Variants in ELP2 observed in about 807,000 individuals in gnomAD.
ELP2 encodes the protein elongator acetyltransferase complex subunit 2.
In ELP2, 90 loss-of-function variants were observed where a neutral mutation model predicts 119.2. The ratio of observed to expected loss-of-function variants is 0.75; its 90% confidence interval spans 0.64 to 0.90. The LOEUF is 0.90. Among genes scored for constraint, ELP2 ranks in the 40% least tolerant of loss-of-function variants. The pLI, the probability that ELP2 is intolerant of heterozygous loss-of-function variation, is 0.00. For synonymous variants in ELP2, 339 were observed against 331.0 expected, an observed-to-expected ratio of 1.02 and a Z score of -0.26; for missense variants, 921 against 967.8, an observed-to-expected ratio of 0.95 and a Z score of 0.64.
intron 18 of ELP2, among the ~76,000 whole-genome samples, chr18:36,166,222 A>AT (rs1421779486): frequency 1.3e-5 from 2 of 149,272 alleles, no homozygotes; most frequent in Non-Finnish European, 2.9e-5. Context: ...TTAATAACAT[A>AT]TTTATTAATT....
chr18:36,133,122 T>C, intron 1 of ELP2, 116 bp from the exon 2 acceptor site: 1 of 738,986 alleles, frequency 1.4e-6, no homozygotes, highest in Non-Finnish European at 2.4e-6. Flanking sequence ...CAAATCTGTT[T>C]GATGTAAACC....
Position 36,180,054 on chromosome 18 carries a change from GCAGA to G in ELP2, c.*5419_*5422del, listed in dbSNP as rs2091302051. The G allele has an allele frequency of 1.3e-5, 2 of 152,256 alleles. No individual in the cohort carries two copies. The highest frequency in any genetic ancestry group is 2.4e-5 in the African/African-American group (1 of 41,440). The allele number at this position is 152,256 out of a possible 1,614,324, so 9.4% of individuals were successfully genotyped here. A position where few individuals can be genotyped will look rare whatever the true frequency, so the allele number is the denominator to read the frequency against. On this transcript the variant is annotated 3_prime_UTR_variant, in exon 22 of 22. Transcript: ENST00000358232. The stretch of plus-strand genomic sequence containing the variant: ...TTTCTCTCATATGAAAGGAGTCAAG[GCAGA>G]CAGACCAGGATGGGGAGGGAGATGT...
intron 3 of ELP2, chr18:36,136,729 C>A: frequency 5.0e-6 from 1 of 202,010 alleles, no homozygotes; most frequent in East Asian, 1.3e-4. Context: ...ACTACACAGG[C>A]CCTGTACCCT....
chr18:36,141,335 A>G, intron 6 of ELP2, 134 bp downstream of exon 6: 3 of 761,136 alleles, frequency 3.9e-6, no homozygotes, highest in Non-Finnish European at 6.8e-6. Flanking sequence ...TCTTTTTTTG[A>G]CAGTCCTCTG....
At position 36,163,275 on chromosome 18, in the gene ELP2, G is replaced by GTGTGTGTGTGTGTGTGTGT. The variant is rs1555644860; in HGVS notation, c.1762-1200_1762-1199insTGTGTGTGTGTGTGTGTGT. 5.3e-3 allele frequency among the ~76,000 whole-genome samples: 773 copies of GTGTGTGTGTGTGTGTGTGT among 145,462 alleles called. 5 individuals carry two copies. The highest frequency in any genetic ancestry group is 7.6e-3 in the Non-Finnish European group (507 of 66,482). On this transcript the variant is annotated intron_variant, in intron 17 of 21. Coordinates refer to ENST00000358232, the MANE Select transcript of ELP2 (RefSeq NM_018255.4). ...TATGGCCGAGTAGTAGTTCATGGGGGGTGTGTGTGTGTGTGTGTGTGTGTA... is the reference window on the plus strand; with the variant it reads ...TATGGCCGAGTAGTAGTTCATGGGGGTGTGTGTGTGTGTGTGTGTGTGTGTGTGTGTGTGTGTGTGTGTA...
Position 36,145,951 on chromosome 18 carries a change from G to C in ELP2, c.896G>C (p.Gly299Ala). The change falls in exon 10 of 22, where the codon GGT becomes GCT. Residue 299 changes from glycine (G) to alanine (A), a missense_variant. Coordinates refer to ENST00000358232, the MANE Select transcript of ELP2 (RefSeq NM_018255.4). ...GGGATTAGGTTTTATTTTTTAGATG[G>C]TGTCCTACAGCAGCCAGTGAGATTA... ...VHWQPVFYKD[G>A]VLQQPVRLLS... is the part of the protein sequence containing the mutation. The C allele has an allele frequency of 6.2e-7, 1 of 1,612,464 alleles. No homozygotes were observed. Among genetic ancestry groups the C allele is most frequent in the Admixed American group, 1.7e-5 (1 of 60,012 alleles).
intron 4 of ELP2, 161 bp downstream of exon 4, chr18:36,138,587 A>G (rs2089915067): frequency 2.1e-6 from 2 of 947,732 alleles, no homozygotes; most frequent in South Asian, 1.6e-5. Context: ...AAAATTCTCT[A>G]TACCAAGACT....
At chr18:36,147,306 G>A (rs1420276468) in intron 11 of ELP2, among the ~76,000 whole-genome samples, 1 of 151,936 alleles carries the variant, frequency 6.6e-6, no homozygotes, top group African/African-American at 2.4e-5. Context: ...TGAACTCCTG[G>A]CTTCAAGTGA....
chr18:36,153,907 A>AT (rs754732579), intron 11 of ELP2, among the ~76,000 whole-genome samples: 4 of 151,980 alleles, frequency 2.6e-5, no homozygotes, highest in Middle Eastern at 6.8e-3. Flanking sequence ...GTCAAGGACG[A>AT]TTTTTTAAAA....
chr18:36,141,439 G>A, intron 6 of ELP2: 1 of 519,052 alleles, frequency 1.9e-6, no homozygotes. Flanking sequence ...AGGTGGGGGA[G>A]GAGAGATGGA....
chr18:36,167,374 A>G, intron 19 of ELP2, 152 bp downstream of exon 19: 2 of 530,776 alleles, frequency 3.8e-6, no homozygotes, highest in Non-Finnish European at 6.2e-6. Context: ...GTACATATAA[A>G]AAAAGACTTT....
chr18:36,169,990 C>T (rs928938705), intron 19 of ELP2, 73 bp from the exon 20 acceptor site: 21 of 1,583,998 alleles, frequency 1.3e-5, no homozygotes, highest in South Asian at 5.5e-5. Context: ...TTATCTTTGC[C>T]GATGAAACTG....
At chr18:36,145,305 G>A (rs894712361) in intron 9 of ELP2, 15 of 403,286 alleles carry the variant, frequency 3.7e-5, no homozygotes, top group South Asian at 2.2e-4. Flanking sequence ...GTTTCCACTT[G>A]ATTATTATGG....
At chr18:36,153,424 GA>G (rs2090465536) in intron 11 of ELP2, among the ~76,000 whole-genome samples, 1 of 152,152 alleles carries the variant, frequency 6.6e-6, no homozygotes, top group Admixed American at 6.5e-5. Context: ...AGTATGTAGG[GA>G]AAACTCTCTC....
chr18:36,133,442 C>CAAGAAAAATGGTATTCCCAGTGAAATAT, intron 2 of ELP2, 126 bp downstream of exon 2: 1 of 730,120 alleles, frequency 1.4e-6, no homozygotes, highest in Non-Finnish European at 2.5e-6. Context: ...ATTGGAGAAA[C>CAAGAAAAATGGTATTCCCAGTGAAATAT]AAGAAAAATG....
At chr18:36,133,567 T>A (rs2089711632) in intron 2 of ELP2, among the ~76,000 whole-genome samples, 1 of 152,140 alleles carries the variant, frequency 6.6e-6, no homozygotes, top group South Asian at 2.1e-4. Flanking sequence ...CAGGATCCTG[T>A]CCCACCTCCC....
chr18:36,164,744 A>T, intron 18 of ELP2, 77 bp downstream of exon 18: 1 of 1,403,146 alleles, frequency 7.1e-7, no homozygotes, highest in South Asian at 1.2e-5. Flanking sequence ...AGCTTTAGTT[A>T]AGAGAAAGAT....
intron 11 of ELP2, among the ~76,000 whole-genome samples, chr18:36,148,967 C>T (rs1372927903): frequency 6.6e-6 from 1 of 152,212 alleles, no homozygotes; most frequent in Admixed American, 6.5e-5. Flanking sequence ...CTCAGGTTTG[C>T]AGATTTCCTT....
Position 36,149,478 on chromosome 18 carries a change from G to GTTT in ELP2, c.1125+3099_1125+3101dup, listed in dbSNP as rs1239631733. On this transcript the variant is annotated intron_variant, in intron 11 of 21. Transcript: ENST00000358232. The stretch of plus-strand genomic sequence containing the variant: ...TAGAAACATAGTTGCAGGGTTTTTT[G>GTTT]TTTTGTTTTGTTTTTTTTTTTTTTG... Among the ~76,000 whole-genome samples the GTTT allele has an allele frequency of 1.2e-3, 79 of 64,508 alleles. 5 individuals carry two copies. The highest frequency in any genetic ancestry group is 8.5e-3 in the South Asian group (19 of 2,226). The allele number at this position is 64,508 out of a possible 152,430, so 42.3% of individuals were successfully genotyped here.
Sources: gnomAD v4.1 joint callset for allele counts (sites outside exome capture counted in the v4.1 genomes callset) on GRCh38, gnomAD v4.1.1 for gene constraint, MANE v1.5 for transcripts, NCBI Gene and HGNC (gene_info 2026-07-23, HGNC 2026-07-21) for gene names.